PRKG1: variants seen among roughly 807,000 people sequenced by gnomAD.
The protein encoded by PRKG1 is protein kinase cGMP-dependent 1.
In PRKG1, 35 loss-of-function variants were observed where a neutral mutation model predicts 88.1. That is an observed-to-expected ratio of 0.40 (90% CI 0.30 to 0.53). PRKG1 has a LOEUF of 0.53. PRKG1 is among the 20% of genes least tolerant of loss of function. The pLI, the probability that PRKG1 is intolerant of heterozygous loss-of-function variation, is 0.59. For synonymous variants in PRKG1, 303 were observed against 292.5 expected, an observed-to-expected ratio of 1.04 and a Z score of -0.37; for missense variants, 540 against 839.8, an observed-to-expected ratio of 0.64 and a Z score of 4.41.
At chr10:51,120,615 T>G (rs897692030) in intron 1 of PRKG1, among the ~76,000 whole-genome samples, 10 of 152,154 alleles carry the variant, frequency 6.6e-5, no homozygotes, top group African/African-American at 2.4e-4. Context: ...AATGACATCC[T>G]AGGTTTTAAG....
At chr10:51,698,550 G>A in intron 3 of PRKG1, 1 of 1,614,072 alleles carries the variant, frequency 6.2e-7, no homozygotes, top group Non-Finnish European at 8.5e-7. Context: ...GGGTCATTTG[G>A]AGCATCTCCT....
At chr10:52,110,209 G>C (rs763616414) in intron 7 of PRKG1, among the ~76,000 whole-genome samples, 1 of 151,830 alleles carries the variant, frequency 6.6e-6, no homozygotes, top group Non-Finnish European at 1.5e-5. Flanking sequence ...TTAGCCAGGC[G>C]TGGTGGCGGG....
Position 52,007,130 on chromosome 10 carries a change from C to T in PRKG1, c.763-47354C>T, listed in dbSNP as rs138062294. On this transcript the variant is annotated intron_variant, in intron 5 of 17. Transcript: ENST00000373980. ...CTTACAGGAGCTGCTGAAGGAAGCT[C>T]TATGGAAAGGAAAGACCGTTACCAG... Among the ~76,000 whole-genome samples the T allele has an allele frequency of 5.6e-3, 856 of 152,202 alleles. 5 individuals carry two copies. The highest frequency in any genetic ancestry group is 0.019 in the African/African-American group (777 of 41,540).
At chr10:52,121,788 AG>A (rs958256047) in intron 7 of PRKG1, among the ~76,000 whole-genome samples, 1 of 152,140 alleles carries the variant, frequency 6.6e-6, no homozygotes, top group African/African-American at 2.4e-5. Context: ...GTAATCTCTA[AG>A]AAGATTTAGT....
At chr10:51,477,793 G>A (rs1291366004) in intron 3 of PRKG1, among the ~76,000 whole-genome samples, 2 of 151,932 alleles carry the variant, frequency 1.3e-5, no homozygotes, top group Non-Finnish European at 2.9e-5. Context: ...AGATACAGAA[G>A]TATAAGAAAA....
intron 1 of PRKG1, among the ~76,000 whole-genome samples, chr10:51,141,763 T>C (rs960794971): frequency 1.3e-5 from 2 of 152,266 alleles, no homozygotes; most frequent in South Asian, 2.1e-4. Flanking sequence ...ACTCAGATTA[T>C]AGTGTATGAA....
chr10:51,467,539 A>G (rs1282924339), intron 2 of PRKG1, among the ~76,000 whole-genome samples, 184 bp from the exon 3 acceptor site: 2 of 151,998 alleles, frequency 1.3e-5, no homozygotes, highest in Non-Finnish European at 2.9e-5. Flanking sequence ...TAAATTTAAG[A>G]AAATATGTAC....
At chr10:51,892,610 C>A (rs901474760) in intron 4 of PRKG1, among the ~76,000 whole-genome samples, 10 of 152,142 alleles carry the variant, frequency 6.6e-5, no homozygotes, top group Non-Finnish European at 1.5e-4. Flanking sequence ...ACTTGCTGAA[C>A]TGGAAAAATT....
intron 5 of PRKG1, among the ~76,000 whole-genome samples, chr10:51,953,979 G>A (rs978314567): frequency 1.4e-4 from 21 of 151,982 alleles, no homozygotes; most frequent in Non-Finnish European, 8.8e-5. Flanking sequence ...TTTTAGGATT[G>A]GAATGAAGGA....
intron 1 of PRKG1, among the ~76,000 whole-genome samples, chr10:51,128,559 C>T (rs951385539): frequency 6.6e-6 from 1 of 152,094 alleles, no homozygotes; most frequent in Non-Finnish European, 1.5e-5. Flanking sequence ...ATGGCAGCAA[C>T]GTGACCTCTA....
chr10:51,755,670 A>G (rs896303494), intron 3 of PRKG1, among the ~76,000 whole-genome samples: 1 of 152,238 alleles, frequency 6.6e-6, no homozygotes, highest in Non-Finnish European at 1.5e-5. Flanking sequence ...CTTTTAAGTT[A>G]CTATTCAATT....
At chr10:51,568,851 C>T (rs1351089841) in intron 3 of PRKG1, 2 of 151,908 alleles carry the variant, frequency 1.3e-5, no homozygotes, top group East Asian at 3.9e-4. Context: ...GACCATTGGT[C>T]AACTTGTAAT....
At chr10:51,695,071 A>C (rs1358241875) in intron 3 of PRKG1, among the ~76,000 whole-genome samples, 1 of 152,136 alleles carries the variant, frequency 6.6e-6, no homozygotes, top group Non-Finnish European at 1.5e-5. Flanking sequence ...AACTCTAATA[A>C]AATATTTTGT....
At chr10:52,142,332 G>A (rs940565873) in intron 8 of PRKG1, among the ~76,000 whole-genome samples, 5 of 152,096 alleles carry the variant, frequency 3.3e-5, no homozygotes, top group Non-Finnish European at 5.9e-5. Context: ...CACATACTGA[G>A]AGTATCAAGT....
intron 3 of PRKG1, among the ~76,000 whole-genome samples, chr10:51,500,736 C>T (rs918863303): frequency 6.6e-6 from 1 of 152,164 alleles, no homozygotes; most frequent in Non-Finnish European, 1.5e-5. Context: ...CATTGGCTCA[C>T]TTCATGTGGT....
chr10:51,941,222 T>TG (rs1842899944), intron 5 of PRKG1, among the ~76,000 whole-genome samples: 2 of 152,014 alleles, frequency 1.3e-5, no homozygotes, highest in East Asian at 3.9e-4. Flanking sequence ...TTTAAACAAA[T>TG]TTAAAATATT....
chr10:52,171,325 G>A (rs1321766006), intron 9 of PRKG1, among the ~76,000 whole-genome samples: 6 of 152,054 alleles, frequency 3.9e-5, no homozygotes, highest in Non-Finnish European at 8.8e-5. Flanking sequence ...AAATGGGAAC[G>A]ATATGTCAAT....
At chr10:51,212,067 A>G (rs1564640114) in intron 2 of PRKG1, among the ~76,000 whole-genome samples, 1 of 152,174 alleles carries the variant, frequency 6.6e-6, no homozygotes, top group Non-Finnish European at 1.5e-5. Context: ...TTCAAACTAT[A>G]CTACAAGGCT....
At chr10:51,146,125 C>G (rs1040224857) in intron 1 of PRKG1, among the ~76,000 whole-genome samples, 1 of 151,680 alleles carries the variant, frequency 6.6e-6, no homozygotes, top group African/African-American at 2.4e-5. Context: ...GGAGGCGGAG[C>G]TTGCAGTGAG....
Sources: gnomAD v4.1 joint callset for allele counts (sites outside exome capture counted in the v4.1 genomes callset) on GRCh38, gnomAD v4.1.1 for gene constraint, MANE v1.5 for transcripts, NCBI Gene and HGNC (gene_info 2026-07-23, HGNC 2026-07-21) for gene names.